PCSK5: variants seen among roughly 807,000 people sequenced by gnomAD.
The protein encoded by PCSK5 is proprotein convertase subtilisin/kexin type 5.
In PCSK5, 129 loss-of-function variants were observed where a neutral mutation model predicts 233.2. The ratio of observed to expected loss-of-function variants is 0.55; its 90% CI spans 0.48 to 0.64. The LOEUF is 0.64. PCSK5 is among the 30% of genes least tolerant of loss of function. PCSK5 has a pLI of 0.00. For synonymous variants in PCSK5, 825 were observed against 879.2 expected, an observed-to-expected ratio of 0.94 and a Z score of 1.09; for missense variants, 2,076 against 2,430.1, an observed-to-expected ratio of 0.85 and a Z score of 3.06.
intron 20 of PCSK5, among the ~76,000 whole-genome samples, chr9:76,226,317 A>G (rs761719246): frequency 2.6e-5 from 4 of 152,208 alleles, no homozygotes; most frequent in Non-Finnish European, 4.4e-5. Context: ...TAAAATTTAC[A>G]TATATAAGAT....
In PCSK5 at chr9:76,362,575, C is replaced by T. The variant is rs1221705419; in HGVS notation, c.*3653C>T. On this transcript the variant is annotated 3_prime_UTR_variant, in exon 38 of 38. Transcript: ENST00000674117. ...CTCAATCTAAGGGAGGAAACCACCC[C>T]TCATATTGTCTTATGCCCAATTTCT... is the stretch of plus-strand genomic sequence containing the variant. Among the ~76,000 whole-genome samples the T allele has an allele frequency of 6.6e-6, 1 of 152,236 alleles. No individual in the cohort carries two copies. Among genetic ancestry groups the T allele is most frequent in the Non-Finnish European group, 1.5e-5 (1 of 68,040 alleles).
At chr9:76,271,215 T>C (rs1827501712) in intron 24 of PCSK5, among the ~76,000 whole-genome samples, 1 of 152,074 alleles carries the variant, frequency 6.6e-6, no homozygotes, top group Non-Finnish European at 1.5e-5. Flanking sequence ...AAGGAGATTA[T>C]ACAGAAAAAA....
At chr9:76,335,147 G>C (rs1317457194) in intron 34 of PCSK5, among the ~76,000 whole-genome samples, 1 of 152,178 alleles carries the variant, frequency 6.6e-6, no homozygotes, top group Non-Finnish European at 1.5e-5. Flanking sequence ...CATCACCCTA[G>C]TAAGTGTCTG....
At chr9:75,901,589 TAACA>T (rs1363695588) in intron 1 of PCSK5, among the ~76,000 whole-genome samples, 2 of 144,646 alleles carry the variant, frequency 1.4e-5, no homozygotes, top group African/African-American at 2.6e-5. Flanking sequence ...TATACCTGTG[TAACA>T]AACCTGCATG....
intron 7 of PCSK5, among the ~76,000 whole-genome samples, chr9:76,081,385 CAG>C (rs762969124): frequency 4.6e-5 from 7 of 152,158 alleles, no homozygotes; most frequent in Admixed American, 2.0e-4. Context: ...ACCCGGGAGG[CAG>C]AGTTTGCAGT....
At chr9:76,285,502 A>G (rs1397839226) in intron 24 of PCSK5, among the ~76,000 whole-genome samples, 1 of 152,162 alleles carries the variant, frequency 6.6e-6, no homozygotes. Flanking sequence ...GTAACCTAGT[A>G]GGTTCTTGCA....
chr9:76,132,375 A>T (rs1258130014), intron 9 of PCSK5, among the ~76,000 whole-genome samples: 1 of 152,124 alleles, frequency 6.6e-6, no homozygotes, highest in Non-Finnish European at 1.5e-5. Context: ...GAAAACAAGA[A>T]TAATTCTGTT....
At chr9:75,944,884 C>T (rs578185959) in intron 2 of PCSK5, among the ~76,000 whole-genome samples, 13 of 152,116 alleles carry the variant, frequency 8.5e-5, no homozygotes, top group Admixed American at 4.6e-4. Context: ...CCTAGGCAGG[C>T]GGATCACCTG....
At chr9:76,210,672 G>A (rs1046835480) in intron 20 of PCSK5, among the ~76,000 whole-genome samples, 6 of 152,130 alleles carry the variant, frequency 3.9e-5, no homozygotes, top group African/African-American at 1.4e-4. Flanking sequence ...GTAGGAGAGT[G>A]GTCTGATAAG....
At chr9:76,089,425 C>T (rs1315458528) in intron 7 of PCSK5, among the ~76,000 whole-genome samples, 1 of 152,192 alleles carries the variant, frequency 6.6e-6, no homozygotes, top group Admixed American at 6.5e-5. Flanking sequence ...CCTCTTGTCT[C>T]TACCACGTCC....
chr9:76,332,667 C>A, intron 34 of PCSK5, 57 bp downstream of exon 34: 1 of 1,264,462 alleles, frequency 7.9e-7, no homozygotes, highest in Non-Finnish European at 1.1e-6. Context: ...AGATATCAAC[C>A]CATTTTACAA....
At chr9:75,956,958 A>G (rs1825121975) in intron 2 of PCSK5, among the ~76,000 whole-genome samples, 1 of 152,202 alleles carries the variant, frequency 6.6e-6, no homozygotes, top group South Asian at 2.1e-4. Flanking sequence ...GCAATTTGGC[A>G]GAAATCAAAG....
intron 7 of PCSK5, among the ~76,000 whole-genome samples, chr9:76,082,463 T>C (rs1231033032): frequency 4.6e-5 from 7 of 152,232 alleles, no homozygotes; most frequent in Non-Finnish European, 1.0e-4. Context: ...CCTGGTTGCA[T>C]TGAAGAGGCA....
intron 9 of PCSK5, among the ~76,000 whole-genome samples, chr9:76,118,609 C>G (rs2131708426): frequency 6.7e-6 from 1 of 148,298 alleles, no homozygotes; most frequent in Admixed American, 6.6e-5. Flanking sequence ...ATCCCATGAC[C>G]ATTATAATCT....
chr9:76,288,564 A>G (rs930667742), intron 24 of PCSK5, among the ~76,000 whole-genome samples: 5 of 152,198 alleles, frequency 3.3e-5, no homozygotes. Context: ...CAGCCTGGAT[A>G]CCATAGGGAG....
chr9:76,055,039 C>G (rs1174412619), intron 5 of PCSK5, among the ~76,000 whole-genome samples: 1 of 151,960 alleles, frequency 6.6e-6, no homozygotes, highest in East Asian at 1.9e-4. Context: ...GATTTTGGAG[C>G]AGTTGATGAA....
At chr9:76,278,998 G>A (rs961026395) in intron 24 of PCSK5, among the ~76,000 whole-genome samples, 1 of 151,094 alleles carries the variant, frequency 6.6e-6, no homozygotes, top group Non-Finnish European at 1.5e-5. Flanking sequence ...TGCCATGCTG[G>A]TGCGCTGCAC....
At chr9:75,926,415 A>G (rs1823491290) in intron 1 of PCSK5, among the ~76,000 whole-genome samples, 2 of 152,180 alleles carry the variant, frequency 1.3e-5, no homozygotes, top group Non-Finnish European at 2.9e-5. Context: ...AAATACTTCT[A>G]TCCTTGTTGA....
intron 5 of PCSK5, among the ~76,000 whole-genome samples, chr9:76,064,790 C>T (rs1209063901): frequency 2.7e-5 from 4 of 149,342 alleles, no homozygotes; most frequent in Non-Finnish European, 4.5e-5. Flanking sequence ...GGGGCAGAGG[C>T]GCTCCCCACA....
Sources: gnomAD v4.1 joint callset for allele counts (sites outside exome capture counted in the v4.1 genomes callset) on GRCh38, gnomAD v4.1.1 for gene constraint, MANE v1.5 for transcripts, NCBI Gene and HGNC (gene_info 2026-07-23, HGNC 2026-07-21) for gene names.